Variants in TBC1D32 observed in about 807,000 individuals in gnomAD.
TBC1D32 encodes the protein TBC1 domain family member 32.
In TBC1D32, 151 loss-of-function variants were observed where a neutral mutation model predicts 170.3. The observed-to-expected ratio is 0.89, with a 90% CI of 0.78 to 1.01. The LOEUF (loss-of-function observed/expected upper bound fraction) is 1.01, where lower values mean the gene tolerates loss of function less well. Among genes scored for constraint, TBC1D32 ranks in the 50% least tolerant of loss-of-function variants. The probability of loss-of-function intolerance (pLI) is 0.00; values close to 1 mark genes in which losing one functional copy is unlikely to be tolerated. For synonymous variants in TBC1D32, 498 were observed against 488.0 expected (o/e 1.02, Z -0.27); for missense variants, 1,464 against 1,457.1 (o/e 1.00, Z -0.08).
chr6:121,268,242 AG>A (rs200617898), intron 15 of TBC1D32, among the ~76,000 whole-genome samples: 1,803 of 152,318 alleles, frequency 0.012, 14 homozygotes, highest in Non-Finnish European at 0.018. Flanking sequence ...AACAGAACAA[AG>A]CTGAATGGAG....
chr6:121,112,677 G>A lies in TBC1D32; in HGVS notation c.3170-18C>T. ...CAGGCAGACTGAAAAACACAGTTAAGAAAACTTTACAATATTTTGTAAGAT... is the reference window on the plus strand; with the variant it reads ...CAGGCAGACTGAAAAACACAGTTAAAAAAACTTTACAATATTTTGTAAGAT... On this transcript the variant is annotated intron_variant, in intron 28 of 31. Transcript: ENST00000398212. The A allele has an allele frequency of 1.3e-6, 2 of 1,530,736 alleles. No homozygotes were observed. Among genetic ancestry groups the A allele is most frequent in the African/African-American group, 1.4e-5 (1 of 71,076 alleles). The allele number at this position is 1,530,736 out of a possible 1,614,324, so 94.8% of individuals were successfully genotyped here.
rs1005738354 is a variant in TBC1D32 at position 121,110,018 on chromosome 6, G to A, written c.3324+2487C>T. Among the ~76,000 whole-genome samples the A allele has an allele frequency of 7.2e-5, 11 of 151,830 alleles. 1 individual carries two copies. Among genetic ancestry groups the A allele is most frequent in the Admixed American group, 2.0e-4 (3 of 15,228 alleles). ...TGTAATCCCAGCACTTTGGGAGGCC[G>A]AGGCTGGCAGAGCACGAAGTCAGGA... On this transcript the variant is annotated intron_variant, in intron 29 of 31. Coordinates refer to ENST00000398212, the MANE Select transcript of TBC1D32 (RefSeq NM_152730.6).
chr6:121,310,689 G>A (rs893778202), intron 4 of TBC1D32, 90 bp downstream of exon 4: 39 of 851,530 alleles, frequency 4.6e-5, no homozygotes, highest in Non-Finnish European at 6.5e-5. Context: ...TTAGCCTCAA[G>A]GGAAACAACC....
At chr6:121,315,710 T>C (rs1203870156) in intron 3 of TBC1D32, among the ~76,000 whole-genome samples, 2 of 152,084 alleles carry the variant, frequency 1.3e-5, no homozygotes, top group Admixed American at 6.5e-5. Context: ...ATTGTCAATA[T>C]TTATTGGAAT....
At chr6:121,122,586 A>G (rs542340755) in intron 26 of TBC1D32, among the ~76,000 whole-genome samples, 2 of 152,196 alleles carry the variant, frequency 1.3e-5, no homozygotes, top group African/African-American at 4.8e-5. Context: ...ATCATCAATA[A>G]AACTTTATAT....
intron 3 of TBC1D32, among the ~76,000 whole-genome samples, chr6:121,314,983 C>T (rs937529524): frequency 7.2e-5 from 11 of 152,166 alleles, no homozygotes; most frequent in African/African-American, 1.9e-4. Flanking sequence ...CATCCCTATA[C>T]GGGAAGTAGT....
chr6:121,080,696 C>T lies in TBC1D32; in HGVS notation c.*75G>A. On this transcript the variant is annotated 3_prime_UTR_variant, in exon 32 of 32. Coordinates refer to ENST00000398212, the MANE Select transcript of TBC1D32 (RefSeq NM_152730.6). ...TTCACAAAGTAAATGTTGTTACAGA[C>T]ACAGAAAAACATCAAGCCCCCCTGC... The T allele has an allele frequency of 6.6e-7, 1 of 1,506,698 alleles. No homozygotes were observed. The allele number at this position is 1,506,698 out of a possible 1,614,324, so 93.3% of individuals were successfully genotyped here. A position where few individuals can be genotyped will look rare whatever the true frequency, so the allele number is the denominator to read the frequency against.
chr6:121,117,512 G>A (rs990920350), intron 26 of TBC1D32, among the ~76,000 whole-genome samples: 19 of 152,144 alleles, frequency 1.2e-4, no homozygotes, highest in African/African-American at 3.4e-4. Context: ...GACCAGCCTC[G>A]CCAACATGGT....
chr6:121,321,146 G>A (rs1809646324), intron 2 of TBC1D32, among the ~76,000 whole-genome samples: 1 of 152,066 alleles, frequency 6.6e-6, no homozygotes, highest in East Asian at 1.9e-4. Flanking sequence ...TTAGAAGTTT[G>A]GTGATGTTTC....
chr6:121,085,447 A>G (rs1431824134), intron 31 of TBC1D32, among the ~76,000 whole-genome samples: 5 of 150,506 alleles, frequency 3.3e-5, no homozygotes, highest in Non-Finnish European at 7.4e-5. Flanking sequence ...TTCTTCCACT[A>G]TGTTCCTTCT....
intron 12 of TBC1D32, among the ~76,000 whole-genome samples, chr6:121,290,649 G>A (rs1804688670): frequency 6.6e-6 from 1 of 152,096 alleles, no homozygotes; most frequent in African/African-American, 2.4e-5. Flanking sequence ...CCCATTACTG[G>A]GTATATACCC....
chr6:121,333,636 A>G (rs534218753), intron 1 of TBC1D32, among the ~76,000 whole-genome samples: 3 of 152,338 alleles, frequency 2.0e-5, no homozygotes, highest in South Asian at 2.1e-4. Context: ...TAAGTACTGT[A>G]TACTGACAGG....
At position 121,080,878 on chromosome 6, in the gene TBC1D32, G is replaced by A. The variant is rs200000443; in HGVS notation, c.3667C>T (p.His1223Tyr). Residue 1223 changes from histidine (H) to tyrosine (Y), a missense_variant, in exon 32 of 32, where the codon CAT becomes TAT. Coordinates refer to ENST00000398212, the MANE Select transcript of TBC1D32 (RefSeq NM_152730.6). ...LQVFLKEEAL[H>Y]GFRVSDYFEY... is the part of the protein sequence containing the mutation. The stretch of plus-strand genomic sequence containing the variant: ...AAATAATCACTCACTCGAAACCCAT[G>A]CAGTGCTTCTTCCTGCCAAAAATTA... 2.4e-3 allele frequency: 3,817 copies of A among 1,610,332 alleles called. 20 individuals are homozygous for A. The highest frequency in any genetic ancestry group is 2.6e-3 in the Non-Finnish European group (3,048 of 1,178,930).
Position 121,310,790 on chromosome 6 carries a change from G to T in TBC1D32, c.553C>A (p.Gln185Lys). 1.3e-6 allele frequency: 2 copies of T among 1,561,698 alleles called. No homozygotes were observed. Among genetic ancestry groups the T allele is most frequent in the South Asian group, 1.2e-5 (1 of 86,348 alleles). ...QLILDQLDPG[Q>K]PKEVRYEALQ... ...TCCTTGAAACTTACCTCTTTAGGTTGCCCAGGATCCAACTGGTCTAAAATC... is the reference window on the plus strand; with the variant it reads ...TCCTTGAAACTTACCTCTTTAGGTTTCCCAGGATCCAACTGGTCTAAAATC... Residue 185 changes from glutamine to lysine, a missense_variant, in exon 4 of 32, where the codon CAA (glutamine) becomes AAA (lysine). Around this residue, in one of 3 missense-constraint regions of TBC1D32, gnomAD observed 1,363 missense variants for 1,338.1 expected, o/e 1.02. Transcript: ENST00000398212.
chr6:121,171,181 A>G (rs1445293320), intron 22 of TBC1D32, among the ~76,000 whole-genome samples: 2 of 152,036 alleles, frequency 1.3e-5, no homozygotes, highest in African/African-American at 4.8e-5. Flanking sequence ...TTAGAGAAAC[A>G]TATTTAAAAA....
At chr6:121,261,045 G>A (rs981504238) in intron 15 of TBC1D32, among the ~76,000 whole-genome samples, 5 of 152,116 alleles carry the variant, frequency 3.3e-5, no homozygotes, top group East Asian at 1.9e-4. Context: ...TCTTCAGAAC[G>A]GATGCTGACT....
chr6:121,146,006 T>C (rs574644331), intron 24 of TBC1D32, among the ~76,000 whole-genome samples: 5 of 152,232 alleles, frequency 3.3e-5, no homozygotes, highest in African/African-American at 1.2e-4. Context: ...GTTTAAAGCC[T>C]TGAAAGTAAA....
intron 26 of TBC1D32, among the ~76,000 whole-genome samples, 170 bp downstream of exon 26, chr6:121,126,208 C>G (rs1299702078): frequency 6.6e-6 from 1 of 152,040 alleles, no homozygotes; most frequent in Non-Finnish European, 1.5e-5. Context: ...ACAAGGAAAC[C>G]TAGACATTTA....
At chr6:121,267,799 C>G (rs150187334) in intron 15 of TBC1D32, among the ~76,000 whole-genome samples, 1 of 151,504 alleles carries the variant, frequency 6.6e-6, no homozygotes, top group Non-Finnish European at 1.5e-5. Context: ...CAAGTGGGTC[C>G]CTCCCTCCTC....
Sources: gnomAD v4.1 joint callset for allele counts (sites outside exome capture counted in the v4.1 genomes callset) on GRCh38, gnomAD v4.1.1 for gene constraint, gnomAD v4.1.1 regional missense constraint, MANE v1.5 for transcripts, NCBI Gene and HGNC (gene_info 2026-07-23, HGNC 2026-07-21) for gene names.